Variants in RBFOX1 observed in about 807,000 individuals in gnomAD.
RBFOX1 encodes RNA binding fox-1 homolog 1, also known as RNA binding protein fox-1 homolog 1.
In RBFOX1, 8 loss-of-function variants were observed where a neutral mutation model predicts 57.7. The ratio of observed to expected loss-of-function variants is 0.14; its 90% CI spans 0.08 to 0.25. The LOEUF (loss-of-function observed/expected upper bound fraction) is 0.25, where lower values mean the gene tolerates loss of function less well. Ranked by LOEUF, RBFOX1 falls within the 10% of genes least tolerant of loss-of-function variation. The probability of loss-of-function intolerance (pLI) is 1.00; values close to 1 mark genes in which losing one functional copy is unlikely to be tolerated. For missense variants in RBFOX1, 611 were observed against 548.5 expected, an observed-to-expected ratio of 1.11 and a Z score of -1.14; for synonymous variants, 326 against 222.4, an observed-to-expected ratio of 1.47 and a Z score of -4.15.
intron 4 of RBFOX1, among the ~76,000 whole-genome samples, chr16:7,148,006 G>A (rs2075365528): frequency 6.6e-6 from 1 of 152,106 alleles, no homozygotes; most frequent in Non-Finnish European, 1.5e-5. Flanking sequence ...GTATACAAAG[G>A]TAAGAGCTGC....
chr16:6,115,260 G>A (rs767961132), intron 1 of RBFOX1, among the ~76,000 whole-genome samples: 2 of 152,132 alleles, frequency 1.3e-5, no homozygotes, highest in Non-Finnish European at 1.5e-5. Context: ...GAAATAGTTG[G>A]CATAATGTGG....
At chr16:5,379,075 CA>C (rs1489971936) in intron 1 of RBFOX1, among the ~76,000 whole-genome samples, 2 of 151,396 alleles carry the variant, frequency 1.3e-5, no homozygotes, top group Non-Finnish European at 2.9e-5. Flanking sequence ...AAAGTAATGG[CA>C]AAAACTGCAA....
rs149675928 is a variant in RBFOX1, at chr16:7,181,387, A to G, written c.27+129289A>G. Among the ~76,000 whole-genome samples, 8 of 152,228 alleles carry G rather than the reference A, an allele frequency of 5.3e-5. No individual in the cohort carries two copies. In the East Asian group the frequency reaches 1.5e-3, roughly 29 times the overall value. On this transcript the variant is annotated intron_variant, in intron 4 of 15. Transcript: ENST00000550418. ...TCCCTACCTTGTAATATTTTTGTTAACAAGTGGTAAGAGTTAATTAGGGGT... is the reference window on the plus strand; with the variant it reads ...TCCCTACCTTGTAATATTTTTGTTAGCAAGTGGTAAGAGTTAATTAGGGGT...
At position 5,542,446 on chromosome 16, in the gene RBFOX1, A is replaced by G. The variant is rs560670905; in HGVS notation, c.259-56456A>G. On this transcript the variant is annotated intron_variant, in intron 2 of 2. Transcript: ENST00000585867. ...TTTTTTTTTTGTATTTTTAGTAGAG[A>G]TGGGGTTTCACCATATTGACTAGGC... Among the ~76,000 whole-genome samples, 1,390 of 149,604 alleles carry G rather than the reference A, an allele frequency of 9.3e-3. 9 individuals are homozygous for G. Among genetic ancestry groups the G allele is most frequent in the Non-Finnish European group, 0.016 (1,047 of 67,504 alleles).
At chr16:6,773,935 T>A in intron 3 of RBFOX1, 1 of 984,932 alleles carries the variant, frequency 1.0e-6, no homozygotes. Flanking sequence ...TGGAGTGTGT[T>A]TGTGTGTGTG....
At chr16:5,903,755 A>G (rs2058370329) in intron 4 of RBFOX1, among the ~76,000 whole-genome samples, 1 of 152,116 alleles carries the variant, frequency 6.6e-6, no homozygotes, top group South Asian at 2.1e-4. Context: ...AACACTACCT[A>G]TGAGAGCTAG....
chr16:7,307,802 T>G (rs1181794477), intron 4 of RBFOX1, among the ~76,000 whole-genome samples: 2 of 152,212 alleles, frequency 1.3e-5, no homozygotes, highest in South Asian at 2.1e-4. Flanking sequence ...TCAACCACTT[T>G]CAGATGGAAC....
chr16:7,004,495 A>G (rs1188092440), intron 3 of RBFOX1, among the ~76,000 whole-genome samples: 3 of 152,152 alleles, frequency 2.0e-5, no homozygotes, highest in Non-Finnish European at 4.4e-5. Context: ...TTGGAGGATC[A>G]GTAAGTTGGT....
intron 4 of RBFOX1, among the ~76,000 whole-genome samples, chr16:7,291,242 G>A (rs2095766185): frequency 1.3e-5 from 2 of 152,248 alleles, no homozygotes; most frequent in South Asian, 4.1e-4. Context: ...AGCTGAAGGG[G>A]TCATTGATGC....
chr16:6,322,919 A>T (rs781109441), intron 2 of RBFOX1, among the ~76,000 whole-genome samples: 34 of 152,046 alleles, frequency 2.2e-4, no homozygotes, highest in Non-Finnish European at 4.4e-4. Context: ...TGACCATCCC[A>T]TTTGCTTTGA....
chr16:5,963,713 G>C (rs1304013315), intron 4 of RBFOX1, among the ~76,000 whole-genome samples: 1 of 152,152 alleles, frequency 6.6e-6, no homozygotes, highest in African/African-American at 2.4e-5. Flanking sequence ...AGAGGCAGAA[G>C]AGTGAAATTA....
At chr16:5,715,487 A>G (rs2051661922) in intron 3 of RBFOX1, among the ~76,000 whole-genome samples, 3 of 152,258 alleles carry the variant, frequency 2.0e-5, no homozygotes, top group Non-Finnish European at 2.9e-5. Flanking sequence ...ATACATCATG[A>G]AAACTCTTAA....
chr16:5,482,270 A>G (rs2069572042), intron 2 of RBFOX1, among the ~76,000 whole-genome samples: 1 of 152,090 alleles, frequency 6.6e-6, no homozygotes, highest in Non-Finnish European at 1.5e-5. Context: ...AGATGTGGAT[A>G]ACTCTCTTCA....
intron 3 of RBFOX1, among the ~76,000 whole-genome samples, chr16:6,997,598 G>A (rs146809471): frequency 6.6e-6 from 1 of 152,160 alleles, no homozygotes; most frequent in African/African-American, 2.4e-5. Flanking sequence ...AAGATAGACT[G>A]CGTTTTGCAA....
At chr16:6,992,443 C>T (rs1055930767) in intron 3 of RBFOX1, among the ~76,000 whole-genome samples, 2 of 152,102 alleles carry the variant, frequency 1.3e-5, no homozygotes, top group African/African-American at 4.8e-5. Context: ...GTCTTGAACT[C>T]TTGATCTCAC....
chr16:6,354,515 G>A (rs929909101), intron 2 of RBFOX1, among the ~76,000 whole-genome samples: 34 of 152,102 alleles, frequency 2.2e-4, no homozygotes, highest in African/African-American at 8.0e-4. Flanking sequence ...GAGGCTCAAG[G>A]TCAAACATCT....
intron 1 of RBFOX1, among the ~76,000 whole-genome samples, chr16:6,067,751 A>AT (rs1330398621): frequency 2.0e-5 from 3 of 152,216 alleles, no homozygotes; most frequent in African/African-American, 4.8e-5. Context: ...ATGGGAAAAA[A>AT]ATATATAAAA....
intron 10 of RBFOX1, among the ~76,000 whole-genome samples, chr16:7,626,173 C>T (rs1024260345): frequency 6.6e-6 from 1 of 152,194 alleles, no homozygotes; most frequent in Non-Finnish European, 1.5e-5. Flanking sequence ...ACTGCTGTTC[C>T]GGTTTGAGTC....
intron 4 of RBFOX1, among the ~76,000 whole-genome samples, chr16:7,384,408 C>G (rs1441568398): frequency 1.3e-5 from 2 of 152,104 alleles, no homozygotes; most frequent in African/African-American, 4.8e-5. Context: ...AAAAACATGG[C>G]TCTCCTGGTA....
Sources: gnomAD v4.1 joint callset for allele counts (sites outside exome capture counted in the v4.1 genomes callset) on GRCh38, gnomAD v4.1.1 for gene constraint, MANE v1.5 for transcripts, NCBI Gene and HGNC (gene_info 2026-07-23, HGNC 2026-07-21) for gene names.